Variants in SPOCK1 observed in about 807,000 individuals in gnomAD.
SPOCK1 encodes the protein testican-1.
SPOCK1 carries 23 observed loss-of-function variants against 55.3 expected under a neutral mutation model. The observed-to-expected ratio is 0.42, with a 90% CI of 0.30 to 0.59. The LOEUF (loss-of-function observed/expected upper bound fraction) is 0.59, where lower values mean the gene tolerates loss of function less well. Ranked by LOEUF, SPOCK1 falls within the 20% of genes least tolerant of loss-of-function variation. The pLI is 0.22. For synonymous variants in SPOCK1, 226 were observed against 221.0 expected (o/e 1.02, Z -0.20); for missense variants, 499 against 552.5 (o/e 0.90, Z 0.97).
intron 2 of SPOCK1, among the ~76,000 whole-genome samples, chr5:137,325,118 GT>G (rs1298717422): frequency 6.6e-6 from 1 of 152,146 alleles, no homozygotes; most frequent in African/African-American, 2.4e-5. Context: ...GAGAGGAAAG[GT>G]TTTTGGGATG....
intron 5 of SPOCK1, among the ~76,000 whole-genome samples, chr5:137,098,459 AG>A (rs1753196061): frequency 6.6e-6 from 1 of 152,256 alleles, no homozygotes; most frequent in African/African-American, 2.4e-5. Flanking sequence ...TGGGTGTGTT[AG>A]ATGACTTTAA....
intron 3 of SPOCK1, among the ~76,000 whole-genome samples, chr5:137,203,534 T>C (rs1755463564): frequency 6.6e-6 from 1 of 152,132 alleles, no homozygotes; most frequent in African/African-American, 2.4e-5. Context: ...ATTACCAATG[T>C]TCACTATATG....
chr5:136,977,627 G>T lies in SPOCK1; in HGVS notation c.*1027C>A. ...GAAGGAAGAAACCTATGGCAGACAGGATTGCTGCAGCCAAGGGGCTTCAAG... is the reference window on the plus strand; with the variant it reads ...GAAGGAAGAAACCTATGGCAGACAGTATTGCTGCAGCCAAGGGGCTTCAAG... On this transcript the variant is annotated 3_prime_UTR_variant, in exon 11 of 11. Transcript: ENST00000394945. The T allele has an allele frequency of 3.0e-6, 1 of 328,856 alleles. No homozygotes were observed. The highest frequency in any genetic ancestry group is 5.2e-6 in the Non-Finnish European group (1 of 190,716). The allele number at this position is 328,856 out of a possible 1,614,324, so 20.4% of individuals were successfully genotyped here. A position where few individuals can be genotyped will look rare whatever the true frequency, so the allele number is the denominator to read the frequency against.
chr5:137,403,456 C>T (rs965273590), intron 2 of SPOCK1, among the ~76,000 whole-genome samples: 2 of 152,162 alleles, frequency 1.3e-5, no homozygotes, highest in South Asian at 4.1e-4. Context: ...TTGCCATCAT[C>T]AAATTCACAT....
intron 3 of SPOCK1, among the ~76,000 whole-genome samples, chr5:137,261,372 T>G (rs1175193902): frequency 1.3e-5 from 2 of 152,234 alleles, no homozygotes; most frequent in Non-Finnish European, 2.9e-5. Context: ...ACTGGGCTGG[T>G]GGTTCCAGAA....
At chr5:137,179,866 C>A (rs1382744961) in intron 3 of SPOCK1, among the ~76,000 whole-genome samples, 1 of 152,144 alleles carries the variant, frequency 6.6e-6, no homozygotes, top group Admixed American at 6.5e-5. Flanking sequence ...TCTTCTACCC[C>A]CTTGTGTCAT....
Position 136,976,727 on chromosome 5 carries a change from A to G in SPOCK1, c.*1927T>C, listed in dbSNP as rs1463978739. ...TGAGATCCCAAAACAGAGTTTGCCT[A>G]TGGTCTGTCTTCCTATGGGGAAAGT... On this transcript the variant is annotated 3_prime_UTR_variant, in exon 11 of 11. Coordinates refer to ENST00000394945, the MANE Select transcript of SPOCK1 (RefSeq NM_004598.4). The G allele has an allele frequency of 6.6e-6, 1 of 152,464 alleles. No homozygotes were observed. The highest frequency in any genetic ancestry group is 1.5e-5 in the Non-Finnish European group (1 of 68,046). 9.4% of individuals were successfully genotyped at this position (152,464 alleles called of 1,614,324 possible). A position where few individuals can be genotyped will look rare whatever the true frequency, so the allele number is the denominator to read the frequency against.
chr5:137,426,202 A>G (rs1285732862), intron 2 of SPOCK1, among the ~76,000 whole-genome samples: 2 of 152,228 alleles, frequency 1.3e-5, no homozygotes, highest in Non-Finnish European at 2.9e-5. Context: ...TAAATGATCA[A>G]TTAGTGTTAG....
chr5:137,006,676 GA>G (rs919269007), intron 6 of SPOCK1, among the ~76,000 whole-genome samples: 4 of 152,112 alleles, frequency 2.6e-5, no homozygotes, highest in Non-Finnish European at 5.9e-5. Flanking sequence ...CTTCCTATTT[GA>G]ATACCTTTTA....
intron 5 of SPOCK1, among the ~76,000 whole-genome samples, chr5:137,068,981 C>A (rs1027154651): frequency 6.6e-6 from 1 of 152,180 alleles, no homozygotes; most frequent in South Asian, 2.1e-4. Flanking sequence ...TTAACAAGCA[C>A]CCACTGTGCA....
At chr5:137,040,394 T>C (rs1751972592) in intron 6 of SPOCK1, among the ~76,000 whole-genome samples, 1 of 152,206 alleles carries the variant, frequency 6.6e-6, no homozygotes. Context: ...AAAGCATGCA[T>C]AGGCCTTGCA....
At chr5:137,123,638 G>A (rs1753725523) in intron 4 of SPOCK1, among the ~76,000 whole-genome samples, 1 of 152,042 alleles carries the variant, frequency 6.6e-6, no homozygotes, top group South Asian at 2.1e-4. Context: ...AAAGCCTTTT[G>A]ACTCAACCTA....
chr5:137,193,084 A>G (rs1755217077), intron 3 of SPOCK1, among the ~76,000 whole-genome samples: 1 of 152,174 alleles, frequency 6.6e-6, no homozygotes, highest in South Asian at 2.1e-4. Context: ...TTTTAAACAG[A>G]GAAGAAAGTA....
At position 136,992,738 on chromosome 5, in the gene SPOCK1, C is replaced by A. The variant is rs968207376; in HGVS notation, c.590-138G>T. On this transcript the variant is annotated intron_variant, in intron 6 of 10. Coordinates refer to ENST00000394945, the MANE Select transcript of SPOCK1 (RefSeq NM_004598.4). Reference sequence around the variant, plus strand: ...AACTGTTACCTCACGTGGAAAACACCCCAAAGATGCTGTTAGTACAAACAA... The same window carrying A: ...AACTGTTACCTCACGTGGAAAACACACCAAAGATGCTGTTAGTACAAACAA... The A allele has an allele frequency of 4.8e-5, 28 of 586,432 alleles. 1 individual carries two copies. Among genetic ancestry groups the A allele is most frequent in the South Asian group, 1.8e-4 (8 of 43,276 alleles). 36.3% of individuals were successfully genotyped at this position (586,432 alleles called of 1,614,324 possible). A position where few individuals can be genotyped will look rare whatever the true frequency, so the allele number is the denominator to read the frequency against.
At chr5:137,483,757 C>A (rs1383977986) in intron 2 of SPOCK1, among the ~76,000 whole-genome samples, 1 of 152,078 alleles carries the variant, frequency 6.6e-6, no homozygotes, top group Non-Finnish European at 1.5e-5. Context: ...AGTATGGCAC[C>A]AAAAATGTCT....
At chr5:137,042,821 AT>A (rs1403793605) in intron 6 of SPOCK1, among the ~76,000 whole-genome samples, 3 of 152,120 alleles carry the variant, frequency 2.0e-5, no homozygotes, top group African/African-American at 7.2e-5. Flanking sequence ...ATAGATACAT[AT>A]AGAATAATTT....
intron 2 of SPOCK1, among the ~76,000 whole-genome samples, chr5:137,379,083 A>G (rs1751399458): frequency 6.6e-6 from 1 of 152,022 alleles, no homozygotes; most frequent in African/African-American, 2.4e-5. Context: ...ACTCTTCTCC[A>G]AGAGCCTAAA....
At position 137,250,980 on chromosome 5, in the gene SPOCK1, G is replaced by A. The variant is rs117246963; in HGVS notation, c.232+16030C>T. Among the ~76,000 whole-genome samples, 45 of 152,228 alleles carry A rather than the reference G, an allele frequency of 3.0e-4. No homozygotes were observed. The East Asian group carries it at 4.2e-3, about 14-fold the overall frequency. The stretch of plus-strand genomic sequence containing the variant: ...TGATGGCATAGCAACACCAGAAAGC[G>A]GAGTCTCAGCTTCTTTCCACCTTAC... On this transcript the variant is annotated intron_variant, in intron 3 of 10. Coordinates refer to ENST00000394945, the MANE Select transcript of SPOCK1 (RefSeq NM_004598.4).
rs60630471 is a variant in SPOCK1 at position 137,302,397 on chromosome 5, G to A, written c.187-35342C>T. 6.1e-3 allele frequency among the ~76,000 whole-genome samples: 765 copies of A among 124,878 alleles called. 7 individuals are homozygous for A. The highest frequency in any genetic ancestry group is 0.019 in the African/African-American group (601 of 32,154). 81.9% of individuals were successfully genotyped at this position (124,878 alleles called of 152,430 possible). On this transcript the variant is annotated intron_variant, in intron 2 of 10. Transcript: ENST00000394945. Reference sequence around the variant, plus strand: ...ATCCTGGCCAACACAGTGAAACCCCGTCTCTACTAAAAATACAAAAAAAAA... The same window carrying A: ...ATCCTGGCCAACACAGTGAAACCCCATCTCTACTAAAAATACAAAAAAAAA...
Sources: allele counts gnomAD v4.1 joint callset (sites outside exome capture counted in the v4.1 genomes callset), GRCh38; gene constraint gnomAD v4.1.1; transcripts MANE v1.5; gene names NCBI Gene and HGNC (gene_info 2026-07-23, HGNC 2026-07-21).